AGMO: variants seen among roughly 807,000 people sequenced by gnomAD.
AGMO encodes the protein alkylglycerol monooxygenase.
Under a neutral mutation model 60.2 loss-of-function variants are expected in AGMO, and 75 were observed. The observed-to-expected ratio is 1.25, with a 90% CI of 1.03 to 1.51. The LOEUF is 1.51. Among genes scored for constraint, AGMO ranks in the 40% most tolerant of loss-of-function variants. AGMO has a pLI of 0.00. For missense variants in AGMO, 763 were observed against 525.5 expected (o/e 1.45, Z -4.42); for synonymous variants, 261 against 177.1 (o/e 1.47, Z -3.76).
chr7:15,507,373 A>G (rs1486699839), intron 3 of AGMO, among the ~76,000 whole-genome samples: 2 of 152,076 alleles, frequency 1.3e-5, no homozygotes, highest in African/African-American at 4.8e-5. Context: ...GGCTCAATTT[A>G]TCTTGTCCAC....
chr7:15,317,501 T>C (rs2128535747), intron 12 of AGMO, among the ~76,000 whole-genome samples: 1 of 152,226 alleles, frequency 6.6e-6, no homozygotes, highest in African/African-American at 2.4e-5. Flanking sequence ...ACTCACGTTG[T>C]TGGGTATAAT....
chr7:15,538,294 A>C (rs1356745861), intron 3 of AGMO, among the ~76,000 whole-genome samples: 1 of 152,144 alleles, frequency 6.6e-6, no homozygotes, highest in African/African-American at 2.4e-5. Context: ...GTACAGTGGC[A>C]CACTCATAGC....
At chr7:15,376,482 G>A (rs902194458) in intron 10 of AGMO, among the ~76,000 whole-genome samples, 3 of 151,876 alleles carry the variant, frequency 2.0e-5, no homozygotes, top group Admixed American at 1.3e-4. Flanking sequence ...TGGCATTCAG[G>A]GGAATTAAAA....
At chr7:15,349,989 G>A (rs765373542) in intron 12 of AGMO, among the ~76,000 whole-genome samples, 1 of 151,936 alleles carries the variant, frequency 6.6e-6, no homozygotes, top group African/African-American at 2.4e-5. Flanking sequence ...GTGAACAAAT[G>A]GTAACTATTT....
At chr7:15,378,473 G>C (rs565853160) in intron 10 of AGMO, among the ~76,000 whole-genome samples, 1 of 152,018 alleles carries the variant, frequency 6.6e-6, no homozygotes, top group South Asian at 2.1e-4. Context: ...CCCTTTATGG[G>C]ATCAAATCAA....
intron 12 of AGMO, among the ~76,000 whole-genome samples, chr7:15,348,552 T>C (rs1563101245): frequency 6.6e-6 from 1 of 152,124 alleles, no homozygotes; most frequent in Non-Finnish European, 1.5e-5. Context: ...ACATTTCTTC[T>C]CAAATTTGTA....
intron 12 of AGMO, among the ~76,000 whole-genome samples, chr7:15,238,140 T>A (rs187952517): frequency 6.6e-6 from 1 of 151,888 alleles, no homozygotes; most frequent in Non-Finnish European, 1.5e-5. Flanking sequence ...TCTCTCTTTT[T>A]TTCAGTAGTA....
At chr7:15,524,555 A>G (rs1017393831) in intron 3 of AGMO, among the ~76,000 whole-genome samples, 27 of 152,122 alleles carry the variant, frequency 1.8e-4, no homozygotes, top group African/African-American at 5.6e-4. Context: ...ATATGCAACC[A>G]TATTTTTCTA....
chr7:15,251,380 C>A (rs1329753454), intron 12 of AGMO, among the ~76,000 whole-genome samples: 1 of 152,110 alleles, frequency 6.6e-6, no homozygotes, highest in Non-Finnish European at 1.5e-5. Context: ...TAACTTAATG[C>A]AGAACATTTG....
intron 12 of AGMO, among the ~76,000 whole-genome samples, chr7:15,267,807 T>C (rs916530125): frequency 2.0e-5 from 3 of 151,928 alleles, no homozygotes; most frequent in African/African-American, 7.2e-5. Context: ...TTAGGTCTTG[T>C]TTCCCAAAAC....
At chr7:15,352,731 C>G (rs552125974) in intron 12 of AGMO, among the ~76,000 whole-genome samples, 2 of 151,666 alleles carry the variant, frequency 1.3e-5, no homozygotes, top group South Asian at 4.2e-4. Context: ...TGCCAAATAT[C>G]CATGCGCCTT....
intron 3 of AGMO, among the ~76,000 whole-genome samples, chr7:15,433,778 G>GCA (rs1554271784): frequency 6.6e-6 from 1 of 150,728 alleles, no homozygotes; most frequent in Non-Finnish European, 1.5e-5. Context: ...ATTAATATAT[G>GCA]TATATGTTAT....
chr7:15,184,950 A>G, the AGMO span, among the ~76,000 whole-genome samples: 136 of 151,918 alleles, frequency 9.0e-4, no homozygotes, highest in African/African-American at 3.2e-3. Flanking sequence ...GAAATGAAAG[A>G]AGGAGAGAAG....
chr7:15,354,515 TATATATATATATATATATATATATAG>T (rs1453445472), intron 12 of AGMO, among the ~76,000 whole-genome samples: 2 of 90,068 alleles, frequency 2.2e-5, no homozygotes, highest in Non-Finnish European at 4.3e-5. Flanking sequence ...TATATATATA[TATATATATATATATATATATATATAG>T]CTCCCCTCAT....
intron 9 of AGMO, among the ~76,000 whole-genome samples, 187 bp from the exon 10 acceptor site, chr7:15,385,749 G>A (rs1027224929): frequency 1.3e-5 from 2 of 152,084 alleles, no homozygotes; most frequent in African/African-American, 4.8e-5. Flanking sequence ...CAATTATGAC[G>A]TAGTCTGCCT....
chr7:15,348,756 T>C (rs114189135), intron 12 of AGMO, among the ~76,000 whole-genome samples: 2,154 of 152,212 alleles, frequency 0.014, 55 homozygotes, highest in African/African-American at 0.048. Context: ...AGATGCTCCA[T>C]TGCAGGTTGA....
At chr7:15,278,168 C>G (rs1783853211) in intron 12 of AGMO, among the ~76,000 whole-genome samples, 2 of 152,190 alleles carry the variant, frequency 1.3e-5, no homozygotes, top group Admixed American at 1.3e-4. Flanking sequence ...AATCTCTTCA[C>G]TCAGTCCAAT....
intron 3 of AGMO, among the ~76,000 whole-genome samples, chr7:15,517,416 C>T (rs1023326280): frequency 5.3e-5 from 8 of 151,260 alleles, no homozygotes; most frequent in African/African-American, 1.7e-4. Flanking sequence ...CAGCTCCCAG[C>T]GAGACCAATG....
intron 12 of AGMO, among the ~76,000 whole-genome samples, chr7:15,290,934 T>C (rs1166208938): frequency 6.6e-6 from 1 of 152,152 alleles, no homozygotes; most frequent in Non-Finnish European, 1.5e-5. Flanking sequence ...AAAGAAAAGC[T>C]AGAAAATAAT....
Sources: gnomAD v4.1 joint callset for allele counts (sites outside exome capture counted in the v4.1 genomes callset) on GRCh38, gnomAD v4.1.1 for gene constraint, MANE v1.5 for transcripts, NCBI Gene and HGNC (gene_info 2026-07-23, HGNC 2026-07-21) for gene names.